The following MEF2C variants were observed in gnomAD, a reference collection of about 807,000 sequenced individuals.
MEF2C encodes myocyte enhancer factor 2C, also known as myocyte-specific enhancer factor 2C.
In MEF2C, 6 loss-of-function variants were observed where a neutral mutation model predicts 50.5. The ratio of observed to expected loss-of-function variants is 0.12; its 90% confidence interval spans 0.07 to 0.23. The LOEUF is 0.23. MEF2C is among the 10% of genes least tolerant of loss of function. The pLI is 1.00. For missense variants in MEF2C, 276 were observed against 605.0 expected (o/e 0.46, Z 5.70); for synonymous variants, 183 against 228.0 (o/e 0.80, Z 1.78).
chr5:88,720,336 A>AT lies in MEF2C; in HGVS notation c.*2267dup, dbSNP rs3841444. The stretch of plus-strand genomic sequence containing the variant: ...GGGATATATATGAAATGGTTGATAG[A>AT]TTTTTTTTTTTTAATATATAAAACA... On this transcript the variant is annotated 3_prime_UTR_variant, in exon 11 of 11. Transcript: ENST00000504921. 0.66 allele frequency: 98,948 copies of AT among 149,550 alleles called. 33,349 individuals carry two copies. The highest frequency in any genetic ancestry group is 0.91 in the East Asian group (4,622 of 5,106). 9.3% of individuals were successfully genotyped at this position (149,550 alleles called of 1,614,324 possible).
chr5:88,782,489 C>G (rs1399943995), intron 3 of MEF2C, among the ~76,000 whole-genome samples: 1 of 151,340 alleles, frequency 6.6e-6, no homozygotes, highest in Non-Finnish European at 1.5e-5. Flanking sequence ...TAAAAACAAG[C>G]AAAACGAAAA....
chr5:88,742,155 CAA>C, intron 6 of MEF2C: 2 of 985,344 alleles, frequency 2.0e-6, no homozygotes, highest in Non-Finnish European at 2.4e-6. Context: ...AACTGATTTC[CAA>C]AAGAGGGGGT....
At chr5:88,763,357 T>G (rs1459897600) in intron 3 of MEF2C, among the ~76,000 whole-genome samples, 1 of 152,148 alleles carries the variant, frequency 6.6e-6, no homozygotes, top group African/African-American at 2.4e-5. Context: ...AACATCACAA[T>G]ACATTAGAAT....
rs537662465 is a variant in MEF2C at position 88,765,741 on chromosome 5, C to T, written c.259-4413G>A. On this transcript the variant is annotated intron_variant, in intron 3 of 10. Coordinates refer to ENST00000504921, the MANE Select transcript of MEF2C (RefSeq NM_002397.5). ...GAAGTCCTAAATGTATATACTGTCT[C>T]TCAGCTGACTGACTACGTTTTGAAA... Among the ~76,000 whole-genome samples, 6 of 152,310 alleles carry T rather than the reference C, an allele frequency of 3.9e-5. No individual in the cohort carries two copies. The South Asian group carries it at 1.2e-3, about 32-fold the overall frequency.
At chr5:88,827,634 T>C (rs1561231724) in intron 1 of MEF2C, among the ~76,000 whole-genome samples, 2 of 151,950 alleles carry the variant, frequency 1.3e-5, no homozygotes, top group South Asian at 2.1e-4. Flanking sequence ...TTTATTATGA[T>C]TGCTTTAAGA....
chr5:88,893,175 A>G (rs1299765925), intron 1 of MEF2C, among the ~76,000 whole-genome samples: 1 of 152,238 alleles, frequency 6.6e-6, no homozygotes, highest in Non-Finnish European at 1.5e-5. Context: ...TAAAAATTTT[A>G]TATCTGATAT....
At chr5:88,790,377 TC>T (rs1252717518) in intron 3 of MEF2C, among the ~76,000 whole-genome samples, 1 of 152,152 alleles carries the variant, frequency 6.6e-6, no homozygotes, top group Non-Finnish European at 1.5e-5. Flanking sequence ...CATCACCTGG[TC>T]AGAAATAAAG....
chr5:88,748,325 A>G (rs1770951482), intron 6 of MEF2C: 4 of 365,630 alleles, frequency 1.1e-5, no homozygotes, highest in Non-Finnish European at 1.5e-5. Context: ...TTAAATGTAT[A>G]GCATGTTCCA....
chr5:88,738,630 T>G, intron 6 of MEF2C: 1 of 985,298 alleles, frequency 1.0e-6, no homozygotes, highest in Non-Finnish European at 1.2e-6. Flanking sequence ...AGTCATGCTC[T>G]GAGATAGTGA....
intron 1 of MEF2C, among the ~76,000 whole-genome samples, chr5:88,836,672 A>G (rs1815220192): frequency 6.6e-6 from 1 of 152,212 alleles, no homozygotes; most frequent in Admixed American, 6.5e-5. Flanking sequence ...CCGAAGGCCT[A>G]GCAGGAGGCT....
intron 1 of MEF2C, among the ~76,000 whole-genome samples, chr5:88,871,522 G>A (rs1829515770): frequency 1.3e-5 from 2 of 152,034 alleles, no homozygotes; most frequent in South Asian, 2.1e-4. Flanking sequence ...GAAATGCAAG[G>A]TGCACACTAA....
intron 3 of MEF2C, among the ~76,000 whole-genome samples, chr5:88,796,910 G>C (rs1065931): frequency 0.58 from 88,803 of 152,072 alleles, 27,642 homozygotes; most frequent in Non-Finnish European, 0.71. Flanking sequence ...GCAGGTTCTT[G>C]AGGTTCCCTG....
chr5:88,895,668 G>T (rs1835044631), intron 1 of MEF2C, among the ~76,000 whole-genome samples: 1 of 151,984 alleles, frequency 6.6e-6, no homozygotes, highest in Non-Finnish European at 1.5e-5. Context: ...CCTTCAGCAG[G>T]CCCTGCTTTC....
At chr5:88,835,260 T>G (rs1814620798) in intron 1 of MEF2C, among the ~76,000 whole-genome samples, 1 of 152,242 alleles carries the variant, frequency 6.6e-6, no homozygotes, top group African/African-American at 2.4e-5. Flanking sequence ...ACCGTACTAA[T>G]GTAACTTGTC....
intron 1 of MEF2C, among the ~76,000 whole-genome samples, chr5:88,834,494 T>C (rs1368864944): frequency 7.9e-5 from 12 of 152,138 alleles, no homozygotes; most frequent in African/African-American, 2.9e-4. Flanking sequence ...TCAGTCTTCA[T>C]GAAGCTTACG....
intron 6 of MEF2C, chr5:88,744,163 A>AT: frequency 1.0e-6 from 1 of 983,672 alleles, no homozygotes. Flanking sequence ...AACACAAGGC[A>AT]TTGCTCTGCT....
At chr5:88,881,850 A>G (rs1270420527) in intron 1 of MEF2C, among the ~76,000 whole-genome samples, 1 of 152,176 alleles carries the variant, frequency 6.6e-6, no homozygotes, top group Admixed American at 6.5e-5. Context: ...CAGATTCACA[A>G]TAGTAAAACG....
At chr5:88,764,567 T>C (rs555527878) in intron 3 of MEF2C, among the ~76,000 whole-genome samples, 1 of 116,086 alleles carries the variant, frequency 8.6e-6, no homozygotes, top group South Asian at 3.0e-4. Context: ...CCCAGCACTT[T>C]GGGAGGCCGA....
rs72771870 is a variant in MEF2C at position 88,723,489 on chromosome 5, A to G, written c.1101-564T>C. Among the ~76,000 whole-genome samples, 993 of 152,366 alleles carry G rather than the reference A, an allele frequency of 6.5e-3. 11 individuals are homozygous for G. The highest frequency in any genetic ancestry group is 7.8e-3 in the Non-Finnish European group (531 of 68,032). On this transcript the variant is annotated intron_variant, in intron 10 of 10. Transcript: ENST00000504921. ...TAAATGACTAGAACTCAAATGCTGCACAATAACTGTATCTGGTAAAAAGCT... is the reference window on the plus strand; with the variant it reads ...TAAATGACTAGAACTCAAATGCTGCGCAATAACTGTATCTGGTAAAAAGCT...
Sources: gnomAD v4.1 joint callset for allele counts (sites outside exome capture counted in the v4.1 genomes callset) on GRCh38, gnomAD v4.1.1 for gene constraint, MANE v1.5 for transcripts, NCBI Gene and HGNC (gene_info 2026-07-23, HGNC 2026-07-21) for gene names.